The following PACRG variants were observed in gnomAD, a reference collection of about 807,000 sequenced individuals.
The protein encoded by PACRG is parkin coregulated.
PACRG carries 29 observed loss-of-function variants against 29.7 expected under a neutral mutation model. The ratio of observed to expected loss-of-function variants is 0.98; its 90% confidence interval spans 0.73 to 1.33. PACRG has a LOEUF of 1.33. Among genes scored for constraint, PACRG ranks in the 40% most tolerant of loss-of-function variants. The pLI is 0.00. For missense variants in PACRG, 279 were observed against 316.2 expected, an observed-to-expected ratio of 0.88 and a Z score of 0.89; for synonymous variants, 116 against 118.7, an observed-to-expected ratio of 0.98 and a Z score of 0.15.
chr6:163,288,816 A>G (rs544158844), intron 4 of PACRG, among the ~76,000 whole-genome samples: 2 of 152,308 alleles, frequency 1.3e-5, no homozygotes, highest in South Asian at 4.1e-4. Context: ...AATAACTACA[A>G]TTTAGGGGGT....
chr6:163,013,155 G>C (rs999649252), intron 2 of PACRG, among the ~76,000 whole-genome samples: 1 of 151,772 alleles, frequency 6.6e-6, no homozygotes, highest in Admixed American at 6.6e-5. Context: ...TTGGCTTTGA[G>C]AAAATTTAAA....
At chr6:162,979,176 C>T (rs1802203493) in intron 2 of PACRG, among the ~76,000 whole-genome samples, 1 of 152,138 alleles carries the variant, frequency 6.6e-6, no homozygotes, top group Admixed American at 6.6e-5. Context: ...CCCACTTTGC[C>T]AGTCCAAGAT....
intron 4 of PACRG, among the ~76,000 whole-genome samples, chr6:163,232,120 C>A (rs1782068249): frequency 6.6e-6 from 1 of 152,224 alleles, no homozygotes; most frequent in Non-Finnish European, 1.5e-5. Context: ...CTACAGAACA[C>A]AAAGGTCCAG....
chr6:163,133,267 G>GA (rs1816804367), intron 4 of PACRG, among the ~76,000 whole-genome samples: 2 of 152,126 alleles, frequency 1.3e-5, no homozygotes, highest in Admixed American at 1.3e-4. Flanking sequence ...TCAGTCACAT[G>GA]ACCACACCTC....
At chr6:162,817,905 ATGTT>A (rs1726046271) in intron 2 of PACRG, among the ~76,000 whole-genome samples, 2 of 152,172 alleles carry the variant, frequency 1.3e-5, no homozygotes, top group African/African-American at 4.8e-5. Context: ...GTTTTGCAAA[ATGTT>A]TGTAGTGAAA....
rs1266492097 is a variant in PACRG, at chr6:163,187,827, AC to A, written c.613+98420del. The A allele has an allele frequency of 5.2e-5, 8 of 152,446 alleles. No individual in the cohort carries two copies. In the East Asian group the frequency reaches 1.6e-3, roughly 30 times the overall value. The allele number at this position is 152,446 out of a possible 1,614,324, so 9.4% of individuals were successfully genotyped here. A position where few individuals can be genotyped will look rare whatever the true frequency, so the allele number is the denominator to read the frequency against. On this transcript the variant is annotated intron_variant, in intron 4 of 4. Transcript: ENST00000366888. Reference sequence around the variant, plus strand: ...ACCTGCGCACTTAGCACCTCCTGTTACGCGCCTGTCCGCTGATCTGCGCCTG... The same window carrying A: ...ACCTGCGCACTTAGCACCTCCTGTTAGCGCCTGTCCGCTGATCTGCGCCTG...
intron 2 of PACRG, among the ~76,000 whole-genome samples, chr6:162,982,122 C>T (rs752249579): frequency 7.9e-5 from 12 of 151,750 alleles, no homozygotes; most frequent in Admixed American, 5.9e-4. Context: ...TTGTATTTCT[C>T]TGGTATCGGT....
chr6:162,879,893 A>G (rs1471720291), intron 2 of PACRG, among the ~76,000 whole-genome samples: 1 of 152,220 alleles, frequency 6.6e-6, no homozygotes, highest in Non-Finnish European at 1.5e-5. Context: ...TGATATATCT[A>G]CAAAACACCT....
At chr6:162,871,523 A>G (rs1792802049) in intron 2 of PACRG, among the ~76,000 whole-genome samples, 1 of 152,266 alleles carries the variant, frequency 6.6e-6, no homozygotes, top group African/African-American at 2.4e-5. Context: ...TTATGCTAAC[A>G]TAAAAATACA....
intron 2 of PACRG, among the ~76,000 whole-genome samples, chr6:162,988,610 A>G (rs1359159763): frequency 6.6e-6 from 1 of 152,170 alleles, no homozygotes; most frequent in Non-Finnish European, 1.5e-5. Context: ...AAATTTTAAA[A>G]TGTTCATAGA....
intron 4 of PACRG, among the ~76,000 whole-genome samples, chr6:163,208,475 T>C (rs576410910): frequency 2.6e-5 from 4 of 152,298 alleles, no homozygotes; most frequent in East Asian, 3.9e-4. Flanking sequence ...TCTATATTAA[T>C]AAATCAATTC....
At chr6:163,071,477 A>G (rs1812046458) in intron 3 of PACRG, among the ~76,000 whole-genome samples, 1 of 152,090 alleles carries the variant, frequency 6.6e-6, no homozygotes, top group African/African-American at 2.4e-5. Context: ...GAAATTGAAA[A>G]TTTTCTTGAA....
At chr6:163,206,901 C>T (rs1401661891) in intron 4 of PACRG, among the ~76,000 whole-genome samples, 1 of 152,088 alleles carries the variant, frequency 6.6e-6, no homozygotes, top group African/African-American at 2.4e-5. Flanking sequence ...AGAGAAGGTG[C>T]TAATATTTGC....
intron 4 of PACRG, among the ~76,000 whole-genome samples, chr6:163,175,511 G>C (rs1284367575): frequency 6.6e-6 from 1 of 152,070 alleles, no homozygotes; most frequent in East Asian, 1.9e-4. Flanking sequence ...TGTGGTAACA[G>C]TTCTTTCTGG....
chr6:162,739,581 C>T (rs887897277), intron 1 of PACRG, among the ~76,000 whole-genome samples: 29 of 152,016 alleles, frequency 1.9e-4, no homozygotes, highest in African/African-American at 6.5e-4. Flanking sequence ...TGGTTGCTCA[C>T]GCCTGTAATC....
intron 2 of PACRG, among the ~76,000 whole-genome samples, chr6:162,990,677 A>G (rs1179232261): frequency 8.7e-6 from 1 of 115,074 alleles, no homozygotes; most frequent in Middle Eastern, 3.8e-3. Context: ...ATTTTCTCCC[A>G]TGTTGTAGGT....
intron 2 of PACRG, among the ~76,000 whole-genome samples, chr6:162,895,426 GAAT>G (rs1486698799): frequency 1.3e-5 from 2 of 152,092 alleles, no homozygotes; most frequent in Non-Finnish European, 2.9e-5. Context: ...ACCATTCTGT[GAAT>G]TTCAAGGTTA....
intron 2 of PACRG, among the ~76,000 whole-genome samples, chr6:162,844,290 T>C (rs1027558445): frequency 6.6e-6 from 1 of 152,180 alleles, no homozygotes; most frequent in African/African-American, 2.4e-5. Context: ...GTGCGGGATA[T>C]AATCTCATGG....
Position 162,977,478 on chromosome 6 carries a change from A to G in PACRG, c.292-84672A>G, listed in dbSNP as rs911175273. Among the ~76,000 whole-genome samples, 3 of 151,946 alleles carry G rather than the reference A, an allele frequency of 2.0e-5. 1 individual carries two copies. The stretch of plus-strand genomic sequence containing the variant: ...TTACCTGGTAAGCTAAGTATCACCA[A>G]TAAAATACTAATGTTCCACTTCATA... On this transcript the variant is annotated intron_variant, in intron 2 of 4. Coordinates refer to ENST00000366888, the MANE Select transcript of PACRG (RefSeq NM_001080379.2).
Sources: gnomAD v4.1 joint callset for allele counts (sites outside exome capture counted in the v4.1 genomes callset) on GRCh38, gnomAD v4.1.1 for gene constraint, MANE v1.5 for transcripts, NCBI Gene and HGNC (gene_info 2026-07-23, HGNC 2026-07-21) for gene names.